Variants in M1AP observed in about 807,000 individuals in gnomAD.
M1AP encodes the protein meiosis 1 arrest protein.
A neutral mutation model predicts 51.2 loss-of-function variants in M1AP; 39 were observed. The observed-to-expected ratio is 0.76, with a 90% confidence interval of 0.59 to 1.00. The LOEUF is 1.00. Among genes scored for constraint, M1AP ranks in the 50% least tolerant of loss-of-function variants. The pLI is 0.00. For missense variants in M1AP, 545 were observed against 641.2 expected (o/e 0.85, Z 1.62); for synonymous variants, 251 against 249.2 (o/e 1.01, Z -0.07).
chr2:74,565,490 A>G (rs1678314310), intron 7 of M1AP, among the ~76,000 whole-genome samples: 1 of 152,194 alleles, frequency 6.6e-6, no homozygotes, highest in Non-Finnish European at 1.5e-5. Context: ...CTATATTAAC[A>G]GAATAAAGAA....
intron 2 of M1AP, among the ~76,000 whole-genome samples, chr2:74,621,954 A>AC (rs1273033760): frequency 6.7e-6 from 1 of 149,312 alleles, no homozygotes; most frequent in Admixed American, 6.7e-5. Context: ...CTAAAAAAAA[A>AC]AAAAAAAATA....
At chr2:74,584,610 C>T (rs1031743844) in intron 4 of M1AP, among the ~76,000 whole-genome samples, 1 of 151,292 alleles carries the variant, frequency 6.6e-6, no homozygotes, top group Non-Finnish European at 1.5e-5. Flanking sequence ...ACACTCCTAC[C>T]ACAGGCAATG....
intron 4 of M1AP, among the ~76,000 whole-genome samples, chr2:74,605,773 T>A (rs1224072829): frequency 2.0e-5 from 3 of 151,684 alleles, no homozygotes; most frequent in Non-Finnish European, 4.4e-5. Flanking sequence ...TGGTGGCGGG[T>A]GCCTGTAATC....
chr2:74,606,150 C>T (rs1309408758), intron 4 of M1AP, among the ~76,000 whole-genome samples: 2 of 152,198 alleles, frequency 1.3e-5, no homozygotes, highest in African/African-American at 4.8e-5. Context: ...AAGCAGGAGG[C>T]AGGGCATGTG....
chr2:74,598,904 G>A (rs1380446702), intron 4 of M1AP, among the ~76,000 whole-genome samples: 1 of 151,968 alleles, frequency 6.6e-6, no homozygotes, highest in African/African-American at 2.4e-5. Context: ...TTATAGGCAT[G>A]AGCCACCACA....
At chr2:74,637,218 T>C (rs2104828920) in intron 2 of M1AP, among the ~76,000 whole-genome samples, 1 of 152,316 alleles carries the variant, frequency 6.6e-6, no homozygotes, top group East Asian at 1.9e-4. Context: ...TTTTGTAATG[T>C]CTAATCTGCC....
chr2:74,628,636 G>T, intron 2 of M1AP: 1 of 682,436 alleles, frequency 1.5e-6, no homozygotes, highest in Non-Finnish European at 2.6e-6. Context: ...AACACCCAAT[G>T]GTTCTTTCCA....
chr2:74,593,020 G>A (rs1680137089), intron 4 of M1AP, among the ~76,000 whole-genome samples: 1 of 152,196 alleles, frequency 6.6e-6, no homozygotes, highest in South Asian at 2.1e-4. Context: ...GGTATATGAT[G>A]GGGCTGATTT....
At chr2:74,639,457 T>C (rs529058951) in intron 2 of M1AP, among the ~76,000 whole-genome samples, 2 of 152,308 alleles carry the variant, frequency 1.3e-5, no homozygotes, top group African/African-American at 2.4e-5. Flanking sequence ...AGGAGGAGCA[T>C]AGATAATTGT....
At chr2:74,565,085 T>C (rs1678288312) in intron 7 of M1AP, among the ~76,000 whole-genome samples, 1 of 152,058 alleles carries the variant, frequency 6.6e-6, no homozygotes, top group African/African-American at 2.4e-5. Flanking sequence ...TAGCCAGGCA[T>C]GGTGGTGTAT....
chr2:74,595,172 C>T (rs1209973472), intron 4 of M1AP, among the ~76,000 whole-genome samples: 1 of 152,046 alleles, frequency 6.6e-6, no homozygotes, highest in African/African-American at 2.4e-5. Flanking sequence ...TGCACCACCA[C>T]ACCTGGCTAA....
At chr2:74,582,850 G>C (rs1162089901) in intron 4 of M1AP, among the ~76,000 whole-genome samples, 1 of 151,922 alleles carries the variant, frequency 6.6e-6, no homozygotes, top group East Asian at 1.9e-4. Flanking sequence ...GTGAAATCCT[G>C]TCTCTACTAA....
At chr2:74,625,653 C>T (rs753209522) in intron 2 of M1AP, among the ~76,000 whole-genome samples, 1 of 152,166 alleles carries the variant, frequency 6.6e-6, no homozygotes, top group Non-Finnish European at 1.5e-5. Context: ...AGAGGCTCTC[C>T]TATTGTTACA....
rs10709998 is a variant in M1AP at position 74,641,847 on chromosome 2, A to ATT, written c.-52-1522_-52-1521dup. Among the ~76,000 whole-genome samples the ATT allele has an allele frequency of 7.5e-3, 1,068 of 142,510 alleles. 21 individuals are homozygous for ATT. In the East Asian group the frequency reaches 0.092, roughly 12 times the overall value. 93.5% of individuals were successfully genotyped at this position (142,510 alleles called of 152,430 possible). A position where few individuals can be genotyped will look rare whatever the true frequency, so the allele number is the denominator to read the frequency against. On this transcript the variant is annotated intron_variant, in intron 1 of 10. Coordinates refer to ENST00000421985, the MANE Select transcript of M1AP (RefSeq NM_001321739.2). ...TATAACAGGATACACTCCTCAACTA[A>ATT]TTTTTTTTTTTTTTTTAGATGGAGT... is the stretch of plus-strand genomic sequence containing the variant.
chr2:74,601,151 G>T (rs1406318130), intron 4 of M1AP, among the ~76,000 whole-genome samples: 1 of 152,040 alleles, frequency 6.6e-6, no homozygotes, highest in East Asian at 1.9e-4. Context: ...GTGGAATAAA[G>T]AGTTAAATTA....
Position 74,639,991 on chromosome 2 carries a change from T to C in M1AP, c.240+45A>G. 4.6e-6 allele frequency: 7 copies of C among 1,522,206 alleles called. No individual in the cohort carries two copies. In the East Asian group the frequency reaches 1.6e-4, roughly 34 times the overall value. The allele number at this position is 1,522,206 out of a possible 1,614,324, so 94.3% of individuals were successfully genotyped here. ...ATCTCTATTCCAGAAACCTTACCAC[T>C]GTATTTGCTTTCAGGGTAAAATGAA... On this transcript the variant is annotated intron_variant, in intron 2 of 10. Coordinates refer to ENST00000421985, the MANE Select transcript of M1AP (RefSeq NM_001321739.2).
chr2:74,562,497 A>C, intron 7 of M1AP, 74 bp from the exon 8 acceptor site: 1 of 1,544,048 alleles, frequency 6.5e-7, no homozygotes, highest in Non-Finnish European at 8.8e-7. Flanking sequence ...TCCCAATTGA[A>C]GTTTCCCTGA....
intron 5 of M1AP, among the ~76,000 whole-genome samples, chr2:74,579,632 G>A (rs1411309587): frequency 6.6e-6 from 1 of 151,792 alleles, no homozygotes; most frequent in Non-Finnish European, 1.5e-5. Flanking sequence ...TTTCATCTCT[G>A]TATGTGTCTT....
At chr2:74,635,916 G>A (rs1465791600) in intron 2 of M1AP, among the ~76,000 whole-genome samples, 1 of 151,996 alleles carries the variant, frequency 6.6e-6, no homozygotes, top group African/African-American at 2.4e-5. Context: ...GTCTAGTTTG[G>A]CAAATGTTCC....
Sources: allele counts gnomAD v4.1 joint callset (sites outside exome capture counted in the v4.1 genomes callset), GRCh38; gene constraint gnomAD v4.1.1; transcripts MANE v1.5; gene names NCBI Gene and HGNC (gene_info 2026-07-23, HGNC 2026-07-21).